Variants in SLC26A4 observed in about 807,000 individuals in gnomAD.
The protein encoded by SLC26A4 is solute carrier family 26 member 4, also known as pendrin.
Under a neutral mutation model 90.4 loss-of-function variants are expected in SLC26A4, and 93 were observed. That is an observed-to-expected ratio of 1.03 (90% CI 0.87 to 1.22). The LOEUF (loss-of-function observed/expected upper bound fraction) is 1.22, where lower values mean the gene tolerates loss of function less well. Ranked by LOEUF, SLC26A4 falls within the 50% of genes most tolerant of loss-of-function variation. The pLI is 0.00. For missense variants in SLC26A4, 1,127 were observed against 946.2 expected (o/e 1.19, Z -2.51); for synonymous variants, 393 against 354.6 (o/e 1.11, Z -1.22).
At position 107,661,378 on chromosome 7, in the gene SLC26A4, C is replaced by T. The variant is rs55753070; in HGVS notation, c.-3-261C>T. ...AGCCCCCAGAGCAGGGGCTTACTCGCTTCAAGTTTGGGGAACCCCGGGCAG... is the reference window on the plus strand; with the variant it reads ...AGCCCCCAGAGCAGGGGCTTACTCGTTTCAAGTTTGGGGAACCCCGGGCAG... On this transcript the variant is annotated intron_variant, in intron 1 of 20. Coordinates refer to ENST00000644269, the MANE Select transcript of SLC26A4 (RefSeq NM_000441.2). This position sits in a 1 kb window ranked among gnomAD's most constrained non-coding sequence, Gnocchi z 5.1. 14,242 of 579,984 alleles carry T rather than the reference C, an allele frequency of 0.025. 277 individuals are homozygous for T. The highest frequency in any genetic ancestry group is 0.04 in the Middle Eastern group (86 of 2,164). The allele number at this position is 579,984 out of a possible 1,614,324, so 35.9% of individuals were successfully genotyped here.
At chr7:107,665,335 G>A (rs1241756758) in intron 3 of SLC26A4, among the ~76,000 whole-genome samples, 1 of 152,202 alleles carries the variant, frequency 6.6e-6, no homozygotes, top group African/African-American at 2.4e-5. Context: ...AACCCAGGGT[G>A]GAGCCTCAGC....
At chr7:107,693,292 A>G in intron 10 of SLC26A4, 1 of 985,412 alleles carries the variant, frequency 1.0e-6, no homozygotes, top group South Asian at 4.7e-5. Context: ...AAAGCCAGCC[A>G]GACATACAAA....
At chr7:107,685,958 C>T (rs1791385784) in intron 8 of SLC26A4, among the ~76,000 whole-genome samples, 1 of 152,154 alleles carries the variant, frequency 6.6e-6, no homozygotes, top group Admixed American at 6.5e-5. Context: ...AATCCCTATT[C>T]ACTCTCTTGC....
Position 107,700,064 on chromosome 7 carries a change from C to A in SLC26A4, c.1615-19C>A. On this transcript the variant is annotated intron_variant, in intron 14 of 20. Coordinates refer to ENST00000644269, the MANE Select transcript of SLC26A4 (RefSeq NM_000441.2). Reference sequence around the variant, plus strand: ...AGGCTTGAAATTATTTAATCCCAGACAATTTCTTTTAATGCCAGATTGAAG... The same window carrying A: ...AGGCTTGAAATTATTTAATCCCAGAAAATTTCTTTTAATGCCAGATTGAAG... The A allele has an allele frequency of 1.5e-6, 2 of 1,343,832 alleles. No homozygotes were observed. The highest frequency in any genetic ancestry group is 2.1e-6 in the Non-Finnish European group (2 of 933,798). 83.2% of individuals were successfully genotyped at this position (1,343,832 alleles called of 1,614,324 possible).
chr7:107,694,679 A>C lies in SLC26A4; in HGVS notation c.1400A>C (p.Asp467Ala). Residue 467 changes from aspartate to alanine, a missense_variant, in exon 12 of 21, where the codon GAC (aspartate) becomes GCC (alanine). By Grantham distance (126) the Asp-to-Ala change is moderately radical. Transcript: ENST00000644269. ...NLKGMFMQLC[D>A]IPRLWRQNKI... ...AAAGGGATGTTTATGCAGCTGTGTG[A>C]CATTCCTCGTCTGTGGAGACAGAAT... 1 of 1,613,526 alleles carries C rather than the reference A, an allele frequency of 6.2e-7. No individual in the cohort carries two copies.
At chr7:107,694,816 T>A (rs1791692848) in intron 12 of SLC26A4, 100 bp downstream of exon 12, 2 of 844,500 alleles carry the variant, frequency 2.4e-6, no homozygotes, top group Admixed American at 3.7e-5. Context: ...GTCTCACTTG[T>A]GCTTTGGGAA....
In SLC26A4 at chr7:107,689,078, G is replaced by A; in HGVS notation, c.1027G>A (p.Val343Met). The A allele has an allele frequency of 6.2e-7, 1 of 1,613,960 alleles. No homozygotes were observed. The highest frequency in any genetic ancestry group is 1.7e-4 in the Middle Eastern group (1 of 6,060). Residue 343 changes from valine (V) to methionine (M), a missense_variant, in exon 9 of 21, where the codon GTG becomes ATG. Coordinates refer to ENST00000644269, the MANE Select transcript of SLC26A4 (RefSeq NM_000441.2). ...RGFLPPELPP[V>M]SLFSEMLAAS... ...GTTTTTGCCTCCTGAACTTCCACCT[G>A]TGAGCTTGTTCTCGGAGATGCTGGC...
intron 3 of SLC26A4, among the ~76,000 whole-genome samples, chr7:107,668,464 T>C (rs1790777584): frequency 6.6e-6 from 1 of 152,126 alleles, no homozygotes; most frequent in Non-Finnish European, 1.5e-5. Context: ...GGTGGTGGTG[T>C]GGTTTCCAGT....
At chr7:107,690,463 T>TGCTTACCTGTCATGTAGCTAC (rs1296273847) in intron 10 of SLC26A4, among the ~76,000 whole-genome samples, 2 of 152,228 alleles carry the variant, frequency 1.3e-5, no homozygotes, top group Admixed American at 1.3e-4. Flanking sequence ...TATTTGTCAG[T>TGCTTACCTGTCATGTAGCTAC]GCTTACCTGT....
chr7:107,693,633 C>T (rs1791642473), intron 10 of SLC26A4: 1 of 985,598 alleles, frequency 1.0e-6, no homozygotes, highest in Non-Finnish European at 1.2e-6. Context: ...AGAGAGTAGT[C>T]CCCACCCCCT....
chr7:107,715,463 T>A lies in SLC26A4; in HGVS notation c.*17T>A. The A allele has an allele frequency of 6.2e-7, 1 of 1,606,958 alleles. No homozygotes were observed. Among genetic ancestry groups the A allele is most frequent in the Non-Finnish European group, 8.5e-7 (1 of 1,173,632 alleles). Reference sequence around the variant, plus strand: ...GCATCCTGAAAGTGGGTTCGGGAGGTCTCTATGAGCAAGGAATACAAGACA... The same window carrying A: ...GCATCCTGAAAGTGGGTTCGGGAGGACTCTATGAGCAAGGAATACAAGACA... On this transcript the variant is annotated 3_prime_UTR_variant, in exon 21 of 21. Transcript: ENST00000644269.
chr7:107,686,556 C>T (rs191150901), intron 8 of SLC26A4, among the ~76,000 whole-genome samples: 156 of 151,744 alleles, frequency 1.0e-3, no homozygotes, highest in African/African-American at 3.6e-3. Context: ...GGCATGATCT[C>T]GGCTCACTGC....
Position 107,689,038 on chromosome 7 carries a change from T to C in SLC26A4, c.1002-15T>C. ...GTCAAATCTTCACAGCATTTTTCAC[T>C]TAAAAACTCACTAGGTTTTTGCCTC... On this transcript the variant is annotated splice_polypyrimidine_tract_variant and intron_variant, in intron 8 of 20. Transcript: ENST00000644269. 2 of 1,613,754 alleles carry C rather than the reference T, an allele frequency of 1.2e-6. No homozygotes were observed. Among genetic ancestry groups the C allele is most frequent in the Non-Finnish European group, 1.7e-6 (2 of 1,179,712 alleles).
Position 107,686,464 on chromosome 7 carries a change from T to TTCTTTTTCTTTCTTTCTTTTCTTTCTG in SLC26A4, c.1002-2587_1002-2586insTTTTTCTTTCTTTCTTTTCTTTCTGTC. Among the ~76,000 whole-genome samples the TTCTTTTTCTTTCTTTCTTTTCTTTCTG allele has an allele frequency of 4.8e-5, 7 of 146,876 alleles. No homozygotes were observed. The Admixed American group carries it at 4.8e-4, about 10-fold the overall frequency. ...TTCTTTCTTTCTTTCTTTTCTTTCT[T>TTCTTTTTCTTTCTTTCTTTTCTTTCTG]TCCTTCTTTCTTTCTTTTTCTTTTC... On this transcript the variant is annotated intron_variant, in intron 8 of 20. Coordinates refer to ENST00000644269, the MANE Select transcript of SLC26A4 (RefSeq NM_000441.2).
Position 107,663,364 on chromosome 7 carries a change from A to T in SLC26A4, c.233A>T (p.Tyr78Phe). The T allele has an allele frequency of 6.2e-7, 1 of 1,614,104 alleles. No homozygotes were observed. The highest frequency in any genetic ancestry group is 8.5e-7 in the Non-Finnish European group (1 of 1,179,992). ...CCCATCTTGGAGTGGCTCCCCAAAT[A>T]CCGAGTCAAGGAATGGCTGCTTAGT... is the stretch of plus-strand genomic sequence containing the variant. ...LVPILEWLPK[Y>F]RVKEWLLSDV... Residue 78 changes from tyrosine to phenylalanine, a missense_variant, in exon 3 of 21, where the codon TAC (tyrosine) becomes TTC (phenylalanine). Transcript: ENST00000644269.
chr7:107,665,249 A>C (rs1432004872), intron 3 of SLC26A4, among the ~76,000 whole-genome samples: 2 of 152,148 alleles, frequency 1.3e-5, no homozygotes. Flanking sequence ...TTGTGAGCTA[A>C]AATTTGGCTA....
At chr7:107,669,969 T>C (rs560414221) in intron 3 of SLC26A4, among the ~76,000 whole-genome samples, 1 of 152,280 alleles carries the variant, frequency 6.6e-6, no homozygotes, top group Non-Finnish European at 1.5e-5. Context: ...TGAGGAAGAG[T>C]ATACTGAGAG....
In SLC26A4 at chr7:107,661,686, G is replaced by A. The variant is rs748026717; in HGVS notation, c.45G>A (p.Glu15=). The change falls in exon 2 of 21, where the codon GAG becomes GAA. Residue 15 remains glutamate, a synonymous_variant. Transcript: ENST00000644269. This position sits in a 1 kb window ranked among gnomAD's most constrained non-coding sequence, Gnocchi z 5.1. ...GGRSEPPQLP[E]YSCSYMVSRP... Reference sequence around the variant, plus strand: ...GGTCGGAGCCGCCGCAGCTCCCCGAGTACAGCTGCAGCTACATGGTGTCGC... The same window carrying A: ...GGTCGGAGCCGCCGCAGCTCCCCGAATACAGCTGCAGCTACATGGTGTCGC... 2 of 1,572,960 alleles carry A rather than the reference G, an allele frequency of 1.3e-6. No homozygotes were observed. The highest frequency in any genetic ancestry group is 1.8e-5 in the Admixed American group (1 of 55,094).
intron 6 of SLC26A4, among the ~76,000 whole-genome samples, chr7:107,675,843 A>T (rs1478260558): frequency 6.6e-6 from 1 of 152,064 alleles, no homozygotes; most frequent in African/African-American, 2.4e-5. Context: ...AAGTGCTGGG[A>T]TTACAGGCGT....
Sources: allele counts gnomAD v4.1 joint callset (sites outside exome capture counted in the v4.1 genomes callset), GRCh38; gene constraint gnomAD v4.1.1; non-coding constraint Gnocchi (gnomAD v3.1); transcripts MANE v1.5; gene names NCBI Gene and HGNC (gene_info 2026-07-23, HGNC 2026-07-21).